Variants in CTNND2 observed in about 807,000 individuals in gnomAD.
The protein encoded by CTNND2 is catenin delta 2, also known as catenin delta-2.
Under a neutral mutation model 144.4 loss-of-function variants are expected in CTNND2, and 22 were observed. The ratio of observed to expected loss-of-function variants is 0.15; its 90% confidence interval spans 0.11 to 0.22. The LOEUF (loss-of-function observed/expected upper bound fraction) is 0.22, where lower values mean the gene tolerates loss of function less well. Ranked by LOEUF, CTNND2 falls within the 10% of genes least tolerant of loss-of-function variation. The pLI is 1.00. For synonymous variants in CTNND2, 751 were observed against 695.6 expected (o/e 1.08, Z -1.25); for missense variants, 1,353 against 1,618.8 (o/e 0.84, Z 2.82).
intron 10 of CTNND2, among the ~76,000 whole-genome samples, chr5:11,201,947 T>C (rs1274240043): frequency 6.6e-6 from 1 of 152,224 alleles, no homozygotes; most frequent in African/African-American, 2.4e-5. Context: ...TTTATTATAG[T>C]GCTTGAGAAG....
At chr5:11,625,785 A>G (rs1581628071) in intron 2 of CTNND2, among the ~76,000 whole-genome samples, 1 of 152,166 alleles carries the variant, frequency 6.6e-6, no homozygotes, top group Non-Finnish European at 1.5e-5. Flanking sequence ...CCAATTAAAA[A>G]GATAGGTAAA....
At chr5:11,096,378 T>C (rs1487734901) in intron 15 of CTNND2, among the ~76,000 whole-genome samples, 1 of 152,124 alleles carries the variant, frequency 6.6e-6, no homozygotes, top group Non-Finnish European at 1.5e-5. Flanking sequence ...TGTGTTCTCA[T>C]TGTTCAATTC....
chr5:11,008,826 C>T (rs1740758301), intron 18 of CTNND2, among the ~76,000 whole-genome samples: 1 of 152,182 alleles, frequency 6.6e-6, no homozygotes, highest in African/African-American at 2.4e-5. Flanking sequence ...GCCTCCCTCT[C>T]CAGAAGCCCA....
At chr5:11,792,902 G>A (rs1044671225) in intron 1 of CTNND2, among the ~76,000 whole-genome samples, 3 of 152,176 alleles carry the variant, frequency 2.0e-5, no homozygotes, top group African/African-American at 7.2e-5. Context: ...AACTAACTCA[G>A]GGATAAATGG....
At chr5:11,698,876 A>T (rs1191992305) in intron 2 of CTNND2, among the ~76,000 whole-genome samples, 1 of 151,526 alleles carries the variant, frequency 6.6e-6, no homozygotes, top group Non-Finnish European at 1.5e-5. Flanking sequence ...AAATTTGATC[A>T]TTTATTCTAA....
intron 1 of CTNND2, among the ~76,000 whole-genome samples, chr5:11,835,875 CT>C (rs1399624612): frequency 1.3e-5 from 2 of 151,932 alleles, no homozygotes; most frequent in Admixed American, 6.6e-5. Context: ...TCCCTCTTTT[CT>C]TTTTTTTCCT....
In CTNND2 at chr5:11,192,361, G is replaced by A. The variant is rs190327803; in HGVS notation, c.1975+7087C>T. Among the ~76,000 whole-genome samples, 6 of 152,218 alleles carry A rather than the reference G, an allele frequency of 3.9e-5. No homozygotes were observed. In the East Asian group the frequency reaches 1.2e-3, roughly 29 times the overall value. On this transcript the variant is annotated intron_variant, in intron 11 of 21. Coordinates refer to ENST00000304623, the MANE Select transcript of CTNND2 (RefSeq NM_001332.4). The stretch of plus-strand genomic sequence containing the variant: ...GTGCTCACTTCCCTCAGACACTGTG[G>A]GGAGCAGAATAATCATTCTCCAAAG...
chr5:11,157,530 T>C (rs1758334521), intron 12 of CTNND2, among the ~76,000 whole-genome samples: 1 of 152,202 alleles, frequency 6.6e-6, no homozygotes, highest in African/African-American at 2.4e-5. Context: ...GTCTGCCCTC[T>C]CTCAGCCTCC....
At chr5:11,756,478 AT>A (rs1413452543) in intron 1 of CTNND2, among the ~76,000 whole-genome samples, 1 of 151,800 alleles carries the variant, frequency 6.6e-6, no homozygotes, top group Admixed American at 6.6e-5. Context: ...GCTTTCAAAT[AT>A]TCAAACAACT....
chr5:11,758,536 A>G (rs2126800374), intron 1 of CTNND2, among the ~76,000 whole-genome samples: 1 of 152,134 alleles, frequency 6.6e-6, no homozygotes, highest in South Asian at 2.1e-4. Flanking sequence ...ACCATCATAT[A>G]GTACCTTTTT....
chr5:11,316,380 C>T (rs2150060660), intron 9 of CTNND2, among the ~76,000 whole-genome samples: 1 of 152,086 alleles, frequency 6.6e-6, no homozygotes, highest in African/African-American at 2.4e-5. Flanking sequence ...CGCCTGCCAC[C>T]ACACCTGGCT....
chr5:11,630,568 T>C (rs73057716), intron 2 of CTNND2, among the ~76,000 whole-genome samples: 1,778 of 152,350 alleles, frequency 0.012, 43 homozygotes, highest in African/African-American at 0.041. Flanking sequence ...TACCCATTTA[T>C]GTGCTTTGCT....
chr5:11,422,882 A>G lies in CTNND2; in HGVS notation c.288-10813T>C, dbSNP rs574983986. On this transcript the variant is annotated intron_variant, in intron 3 of 21. Coordinates refer to ENST00000304623, the MANE Select transcript of CTNND2 (RefSeq NM_001332.4). ...ATAAAATTCAATATCAGAAGCAGCAACAAATGGTGCATTATAAAGTAGAAA... is the reference window on the plus strand; with the variant it reads ...ATAAAATTCAATATCAGAAGCAGCAGCAAATGGTGCATTATAAAGTAGAAA... 3.3e-5 allele frequency among the ~76,000 whole-genome samples: 5 copies of G among 152,370 alleles called. No homozygotes were observed. The East Asian group carries it at 5.8e-4, about 18-fold the overall frequency.
intron 15 of CTNND2, among the ~76,000 whole-genome samples, chr5:11,096,836 A>G (rs1478306897): frequency 1.3e-5 from 2 of 152,184 alleles, no homozygotes; most frequent in Middle Eastern, 3.4e-3. Context: ...ACAACATCTT[A>G]AGATGGCACA....
intron 1 of CTNND2, among the ~76,000 whole-genome samples, chr5:11,826,101 T>A (rs1248610399): frequency 6.6e-6 from 1 of 152,006 alleles, no homozygotes; most frequent in Non-Finnish European, 1.5e-5. Flanking sequence ...GAAAAAGTTT[T>A]AAAATTTTTT....
At chr5:11,487,852 C>T (rs914303993) in intron 3 of CTNND2, among the ~76,000 whole-genome samples, 52 of 152,060 alleles carry the variant, frequency 3.4e-4, no homozygotes, top group Admixed American at 3.2e-3. Context: ...ACCACAGATA[C>T]GAGCAAAGAC....
At chr5:11,263,229 A>G (rs1406507257) in intron 9 of CTNND2, among the ~76,000 whole-genome samples, 2 of 152,200 alleles carry the variant, frequency 1.3e-5, no homozygotes, top group African/African-American at 4.8e-5. Context: ...GACTTCTGAA[A>G]CCTTTCAAGA....
chr5:11,819,245 C>G (rs4235615), intron 1 of CTNND2, among the ~76,000 whole-genome samples: 1 of 152,100 alleles, frequency 6.6e-6, no homozygotes, highest in South Asian at 2.1e-4. Context: ...ACCAGCCTGG[C>G]CAACGTGGTG....
intron 15 of CTNND2, among the ~76,000 whole-genome samples, chr5:11,091,231 G>A (rs1750737485): frequency 6.6e-6 from 1 of 151,834 alleles, no homozygotes; most frequent in Admixed American, 6.6e-5. Context: ...AGCTTCTATT[G>A]TCTTCAAGTT....
Sources: gnomAD v4.1 joint callset for allele counts (sites outside exome capture counted in the v4.1 genomes callset) on GRCh38, gnomAD v4.1.1 for gene constraint, MANE v1.5 for transcripts, NCBI Gene and HGNC (gene_info 2026-07-23, HGNC 2026-07-21) for gene names.